The following PRICKLE2 variants were observed in gnomAD, a reference collection of about 807,000 sequenced individuals.
PRICKLE2 encodes prickle-like protein 2.
A neutral mutation model predicts 81.4 loss-of-function variants in PRICKLE2; 21 were observed. That is an observed-to-expected ratio of 0.26 (90% CI 0.18 to 0.37). The LOEUF is 0.37. Among genes scored for constraint, PRICKLE2 ranks in the 10% least tolerant of loss-of-function variants. PRICKLE2 has a pLI of 1.00. For missense variants in PRICKLE2, 940 were observed against 1,109.0 expected (o/e 0.85, Z 2.16); for synonymous variants, 456 against 421.5 (o/e 1.08, Z -1.00).
intron 2 of PRICKLE2, among the ~76,000 whole-genome samples, chr3:64,164,961 C>T (rs1357403836): frequency 1.3e-5 from 2 of 152,318 alleles, no homozygotes; most frequent in African/African-American, 4.8e-5. Flanking sequence ...CGCCCAGTCT[C>T]ATGTCTTGGG....
In PRICKLE2 at chr3:64,147,742, T is replaced by C; in HGVS notation, c.788-40A>G. On this transcript the variant is annotated intron_variant, in intron 6 of 7. Transcript: ENST00000638394. The surrounding 1 kb of genome is among the most constrained non-coding windows in gnomAD (Gnocchi z 5.0). Reference sequence around the variant, plus strand: ...GACATTGGAGAGGCTGATGAGCTGCTCAGAGCTCTGCACTGGGACGTGAAA... The same window carrying C: ...GACATTGGAGAGGCTGATGAGCTGCCCAGAGCTCTGCACTGGGACGTGAAA... The C allele has an allele frequency of 6.2e-7, 1 of 1,610,844 alleles. No homozygotes were observed. The highest frequency in any genetic ancestry group is 8.5e-7 in the Non-Finnish European group (1 of 1,178,084).
chr3:64,211,129 C>T (rs1334258108), intron 1 of PRICKLE2, among the ~76,000 whole-genome samples: 2 of 152,174 alleles, frequency 1.3e-5, no homozygotes, highest in Non-Finnish European at 2.9e-5. Flanking sequence ...TTGAAGACCA[C>T]TCCTTGGTGC....
chr3:64,205,746 T>C (rs2078676985), intron 1 of PRICKLE2, among the ~76,000 whole-genome samples: 2 of 152,314 alleles, frequency 1.3e-5, no homozygotes, highest in South Asian at 2.1e-4. Flanking sequence ...CCCCCGCTTC[T>C]TAATAAGAGG....
At chr3:64,169,034 A>G (rs13080962) in intron 2 of PRICKLE2, among the ~76,000 whole-genome samples, 57,089 of 151,974 alleles carry the variant, frequency 0.38, 11,600 homozygotes, top group Admixed American at 0.49. Context: ...GAGAGCATCA[A>G]TATACTCAGC....
At position 64,146,833 on chromosome 3, in the gene PRICKLE2, T is replaced by C; in HGVS notation, c.1657A>G (p.Thr553Ala). ...SMESLALSNA[T>A]GLSADGGAKR... ...TTTCAAGGTGAACAGAACCTACCTGTTGCATTAGACAGGGCCAGGGATTCC... is the reference window on the plus strand; with the variant it reads ...TTTCAAGGTGAACAGAACCTACCTGCTGCATTAGACAGGGCCAGGGATTCC... The change falls in exon 7 of 8, where the codon ACA (threonine) becomes GCA (alanine). Residue 553 changes from threonine to alanine, a missense_variant. This residue lies in a region of PRICKLE2 where 670 missense variants were observed against 717.2 expected (regional missense o/e 0.93). Transcript: ENST00000638394. 1 of 1,614,150 alleles carries C rather than the reference T, an allele frequency of 6.2e-7. No individual in the cohort carries two copies. Among genetic ancestry groups the C allele is most frequent in the South Asian group, 1.1e-5 (1 of 91,076 alleles).
intron 2 of PRICKLE2, among the ~76,000 whole-genome samples, chr3:64,261,244 G>A (rs774865248): frequency 1.3e-5 from 2 of 152,156 alleles, no homozygotes; most frequent in African/African-American, 2.4e-5. Flanking sequence ...GTAAGAGGGA[G>A]ATGAGGAAAG....
intron 7 of PRICKLE2, among the ~76,000 whole-genome samples, chr3:64,110,373 A>G (rs1301782864): frequency 6.6e-6 from 1 of 152,208 alleles, no homozygotes; most frequent in African/African-American, 2.4e-5. Context: ...GTTGCTTCAA[A>G]GATCTTTGAC....
chr3:64,110,922 A>T (rs6765188), intron 7 of PRICKLE2, among the ~76,000 whole-genome samples: 39,828 of 142,234 alleles, frequency 0.28, 5,851 homozygotes, highest in Admixed American at 0.38. Context: ...AGATCGTGCC[A>T]CTGCACTCCA....
intron 7 of PRICKLE2, chr3:64,142,090 G>C (rs988951145): frequency 4.6e-6 from 1 of 218,876 alleles, no homozygotes; most frequent in Non-Finnish European, 7.7e-6. Context: ...TCGGTGTATG[G>C]GTGTGCAGAG....
Position 64,204,828 on chromosome 3 carries a change from C to A in PRICKLE2, c.-40-5861G>T, listed in dbSNP as rs141471496. On this transcript the variant is annotated intron_variant, in intron 1 of 7. Transcript: ENST00000638394. ...CCTTTGGTAATGGCTAATTTAATAA[C>A]CTCCATGTATAAATTGGGAACCCAA... is the stretch of plus-strand genomic sequence containing the variant. 4.4e-3 allele frequency among the ~76,000 whole-genome samples: 664 copies of A among 152,156 alleles called. 4 individuals are homozygous for A. Among genetic ancestry groups the A allele is most frequent in the African/African-American group, 0.015 (633 of 41,508 alleles).
At chr3:64,258,658 A>C (rs1467675123) in intron 2 of PRICKLE2, among the ~76,000 whole-genome samples, 1 of 151,198 alleles carries the variant, frequency 6.6e-6, no homozygotes, top group African/African-American at 2.4e-5. Context: ...GTCTCTACTT[A>C]AAAAAAGAAA....
chr3:64,251,684 T>C (rs970925543), intron 2 of PRICKLE2, among the ~76,000 whole-genome samples: 6 of 152,156 alleles, frequency 3.9e-5, no homozygotes, highest in African/African-American at 1.4e-4. Context: ...CACCTAGGTG[T>C]CTCTTATTCA....
intron 2 of PRICKLE2, among the ~76,000 whole-genome samples, chr3:64,265,208 G>A (rs868808276): frequency 3.3e-5 from 5 of 152,258 alleles, no homozygotes; most frequent in Middle Eastern, 6.8e-3. Flanking sequence ...GCAATCAAAT[G>A]CTAAGTATCC....
intron 7 of PRICKLE2, among the ~76,000 whole-genome samples, chr3:64,132,025 A>G (rs2077204302): frequency 6.6e-6 from 1 of 152,212 alleles, no homozygotes; most frequent in South Asian, 2.1e-4. Flanking sequence ...AGCTCCTAGA[A>G]CTGGACAAGT....
intron 7 of PRICKLE2, among the ~76,000 whole-genome samples, chr3:64,128,918 A>ATTT (rs3055735): frequency 1.0e-3 from 152 of 149,890 alleles, no homozygotes; most frequent in Non-Finnish European, 1.6e-3. Flanking sequence ...GGGATTTTTT[A>ATTT]TTTTTTTTTT....
At chr3:64,169,825 G>C (rs914404870) in intron 2 of PRICKLE2, among the ~76,000 whole-genome samples, 3 of 152,112 alleles carry the variant, frequency 2.0e-5, no homozygotes, top group Non-Finnish European at 2.9e-5. Flanking sequence ...AATTCGGGGA[G>C]GTAATATCTA....
chr3:64,169,735 T>C (rs974693731), intron 2 of PRICKLE2, among the ~76,000 whole-genome samples: 4 of 152,242 alleles, frequency 2.6e-5, no homozygotes, highest in Non-Finnish European at 4.4e-5. Flanking sequence ...ACCCAGGGAC[T>C]AATTCGAACA....
At chr3:64,172,657 A>C (rs1254770388) in intron 2 of PRICKLE2, among the ~76,000 whole-genome samples, 2 of 152,244 alleles carry the variant, frequency 1.3e-5, no homozygotes, top group Non-Finnish European at 2.9e-5. Context: ...GAAGCAGTCT[A>C]ATGCATAATT....
Position 64,099,134 on chromosome 3 carries a change from G to A in PRICKLE2, c.2452C>T (p.Leu818Phe). ...CCACCTAATGTGGAAGATTTGGGGA[G>A]GCCGTAGGAGCTGTATTTGTGCAGC... ...ELLHKYSSYG[L>F]PKSSTLGGRG... Residue 818 changes from leucine to phenylalanine, a missense_variant, in exon 8 of 8, where the codon CTC (leucine) becomes TTC (phenylalanine). Physicochemically the swap from Leu to Phe is conservative, Grantham distance 22 (BLOSUM62 0). This residue lies in a region of PRICKLE2 where 670 missense variants were observed against 717.2 expected (regional missense o/e 0.93). Transcript: ENST00000638394. This position sits in a 1 kb window ranked among gnomAD's most constrained non-coding sequence, Gnocchi z 4.3. 6.2e-7 allele frequency: 1 copy of A among 1,614,232 alleles called. No individual in the cohort carries two copies. Among genetic ancestry groups the A allele is most frequent in the Non-Finnish European group, 8.5e-7 (1 of 1,180,044 alleles).
Sources: gnomAD v4.1 joint callset for allele counts (sites outside exome capture counted in the v4.1 genomes callset) on GRCh38, gnomAD v4.1.1 for gene constraint, gnomAD v4.1.1 regional missense constraint, Gnocchi (gnomAD v3.1) non-coding constraint, MANE v1.5 for transcripts, NCBI Gene and HGNC (gene_info 2026-07-23, HGNC 2026-07-21) for gene names.